CAMSAP2: variants seen among roughly 807,000 people sequenced by gnomAD.
CAMSAP2 encodes the protein calmodulin regulated spectrin associated protein family member 2.
CAMSAP2 carries 26 observed loss-of-function variants against 146.1 expected under a neutral mutation model. The observed-to-expected ratio is 0.18, with a 90% CI of 0.13 to 0.25. The LOEUF is 0.25. Ranked by LOEUF, CAMSAP2 falls within the 10% of genes least tolerant of loss-of-function variation. The pLI is 1.00. For missense variants in CAMSAP2, 1,381 were observed against 1,759.3 expected (o/e 0.78, Z 3.85); for synonymous variants, 499 against 596.6 (o/e 0.84, Z 2.38).
intron 1 of CAMSAP2, among the ~76,000 whole-genome samples, chr1:200,755,242 A>T (rs1384049977): frequency 2.0e-5 from 3 of 152,252 alleles, no homozygotes; most frequent in Non-Finnish European, 4.4e-5. Context: ...TAGCAGACAG[A>T]TAGTAAACAC....
At chr1:200,850,567 CA>C (rs1667593891) in intron 11 of CAMSAP2, among the ~76,000 whole-genome samples, 1 of 152,124 alleles carries the variant, frequency 6.6e-6, no homozygotes, top group Admixed American at 6.6e-5. Context: ...GTAACACTGC[CA>C]TTTTTTTTAA....
intron 1 of CAMSAP2, among the ~76,000 whole-genome samples, chr1:200,746,557 GGGATGA>G (rs957875867): frequency 6.6e-6 from 1 of 152,128 alleles, no homozygotes; most frequent in African/African-American, 2.4e-5. Context: ...GAAGACTTCA[GGGATGA>G]GAGCTATAAG....
At chr1:200,816,617 T>G (rs1666498551) in intron 4 of CAMSAP2, among the ~76,000 whole-genome samples, 1 of 135,658 alleles carries the variant, frequency 7.4e-6, no homozygotes, top group African/African-American at 2.6e-5. Flanking sequence ...TATATATATA[T>G]ATATATATGT....
chr1:200,811,050 A>C (rs1666317502), intron 3 of CAMSAP2, among the ~76,000 whole-genome samples: 1 of 152,132 alleles, frequency 6.6e-6, no homozygotes, highest in Non-Finnish European at 1.5e-5. Flanking sequence ...ACCCATTCCT[A>C]ACCCGAAATT....
chr1:200,860,395 T>C lies in CAMSAP2; in HGVS notation c.*2336T>C, dbSNP rs1667850810. 1 of 152,778 alleles carries C rather than the reference T, an allele frequency of 6.5e-6. No homozygotes were observed. The highest frequency in any genetic ancestry group is 1.5e-5 in the Non-Finnish European group (1 of 68,020). 9.5% of individuals were successfully genotyped at this position (152,778 alleles called of 1,614,324 possible). ...GCCAAACATTTGTCGTGGTTACCAG[T>C]GCAGCCTGTCAAATTCTGCTATTTG... On this transcript the variant is annotated 3_prime_UTR_variant, in exon 17 of 17. Transcript: ENST00000358823.
intron 4 of CAMSAP2, among the ~76,000 whole-genome samples, chr1:200,817,149 T>C (rs186588025): frequency 3.3e-4 from 39 of 117,076 alleles, no homozygotes; most frequent in Admixed American, 2.5e-3. Context: ...TATATACACA[T>C]ACACACATAC....
intron 4 of CAMSAP2, among the ~76,000 whole-genome samples, chr1:200,817,252 GTGTGTGTATATACACACA>G: frequency 1.1e-4 from 1 of 9,278 alleles, no homozygotes; most frequent in Non-Finnish European, 1.8e-4. Context: ...ACACACATAT[GTGTGTGTATATACACACA>G]TATATATATA....
chr1:200,832,693 T>G lies in CAMSAP2; in HGVS notation c.788-13T>G. Reference sequence around the variant, plus strand: ...AATCCAAAGTCACCACCTTGCTCTTTTCTTATTTGAAGATATTTGTTTGAA... The same window carrying G: ...AATCCAAAGTCACCACCTTGCTCTTGTCTTATTTGAAGATATTTGTTTGAA... On this transcript the variant is annotated splice_polypyrimidine_tract_variant and intron_variant, in intron 5 of 16. Transcript: ENST00000358823. The surrounding 1 kb of genome is among the most constrained non-coding windows in gnomAD (Gnocchi z 4.2). 1 of 1,587,138 alleles carries G rather than the reference T, an allele frequency of 6.3e-7. No homozygotes were observed. Among genetic ancestry groups the G allele is most frequent in the Non-Finnish European group, 8.6e-7 (1 of 1,168,648 alleles).
chr1:200,849,302 C>G lies in CAMSAP2; in HGVS notation c.2533C>G (p.Gln845Glu). Residue 845 changes from glutamine to glutamate, a missense_variant, in exon 11 of 17, where the codon CAA (glutamine) becomes GAA (glutamate). Coordinates refer to ENST00000358823, the MANE Select transcript of CAMSAP2 (RefSeq NM_203459.4). This position sits in a 1 kb window ranked among gnomAD's most constrained non-coding sequence, Gnocchi z 6.3. ...TATAAAAGAGAGCATGGAGAATCCT[C>G]AAGCCAAATGGCTAAAGTCTCCAAC... The part of the protein sequence containing the change: ...ADIKESMENP[Q>E]AKWLKSPTTP... The G allele has an allele frequency of 6.2e-7, 1 of 1,614,024 alleles. No homozygotes were observed. The highest frequency in any genetic ancestry group is 8.5e-7 in the Non-Finnish European group (1 of 1,180,028).
rs372954634 is a variant in CAMSAP2 at position 200,853,505 on chromosome 1, C to T, written c.3823+10C>T. ...ATAAAGGGTCCTCCAGGTAACATAG[C>T]TTATTATGAAGAGTCTGTTCATAAA... On this transcript the variant is annotated intron_variant, in intron 13 of 16. Coordinates refer to ENST00000358823, the MANE Select transcript of CAMSAP2 (RefSeq NM_203459.4). This position sits in a 1 kb window ranked among gnomAD's most constrained non-coding sequence, Gnocchi z 5.1. The T allele has an allele frequency of 1.3e-6, 2 of 1,583,836 alleles. No homozygotes were observed. Among genetic ancestry groups the T allele is most frequent in the Non-Finnish European group, 1.7e-6 (2 of 1,154,458 alleles).
intron 1 of CAMSAP2, among the ~76,000 whole-genome samples, chr1:200,749,799 C>A (rs1253937753): frequency 6.6e-6 from 1 of 152,106 alleles, no homozygotes; most frequent in African/African-American, 2.4e-5. Flanking sequence ...ATGCTATATT[C>A]TTTCTCTTTA....
chr1:200,782,232 A>G (rs1368980565), intron 2 of CAMSAP2, among the ~76,000 whole-genome samples: 1 of 152,224 alleles, frequency 6.6e-6, no homozygotes, highest in Non-Finnish European at 1.5e-5. Context: ...ATTATCCCAC[A>G]TTTAACAGAT....
chr1:200,844,740 A>T, intron 7 of CAMSAP2, 42 bp from the exon 8 acceptor site: 2 of 1,173,626 alleles, frequency 1.7e-6, no homozygotes, highest in Non-Finnish European at 2.4e-6. Flanking sequence ...TTTCATAGAA[A>T]TATGCTAATT....
chr1:200,849,488 A>G lies in CAMSAP2; in HGVS notation c.2719A>G (p.Met907Val). 6.2e-7 allele frequency: 1 copy of G among 1,614,208 alleles called. No individual in the cohort carries two copies. The highest frequency in any genetic ancestry group is 1.1e-5 in the South Asian group (1 of 91,078). Residue 907 changes from methionine (M) to valine (V), a missense_variant, in exon 11 of 17, where the codon ATG becomes GTG. By Grantham distance (21) the Met-to-Val change is conservative. This residue lies in a region of CAMSAP2 where 560 missense variants were observed against 715.9 expected (regional missense o/e 0.78). Coordinates refer to ENST00000358823, the MANE Select transcript of CAMSAP2 (RefSeq NM_203459.4). The surrounding 1 kb of genome is among the most constrained non-coding windows in gnomAD (Gnocchi z 6.3). ...GCAACGCTTGTCACTTCAGCAGGAG[A>G]TGTTAATGCAGATGAGAGAGCAACA... ...EMQRLSLQQEMLMQMREQQSW... is the reference protein window; with the variant it reads ...EMQRLSLQQEVLMQMREQQSW...
chr1:200,810,541 A>C (rs1271682272), intron 3 of CAMSAP2, among the ~76,000 whole-genome samples: 1 of 146,606 alleles, frequency 6.8e-6, no homozygotes, highest in Non-Finnish European at 1.5e-5. Context: ...GCGCCACGGC[A>C]CTCCAGCCTG....
rs958679140 is a variant in CAMSAP2, at chr1:200,824,204, G to A, written c.646-7996G>A. Reference sequence around the variant, plus strand: ...CGGGAGTCCCTTCAGACTGACTCCTGTGCTTTTGATATGCCCCCATTCATC... The same window carrying A: ...CGGGAGTCCCTTCAGACTGACTCCTATGCTTTTGATATGCCCCCATTCATC... On this transcript the variant is annotated intron_variant, in intron 4 of 16. Coordinates refer to ENST00000358823, the MANE Select transcript of CAMSAP2 (RefSeq NM_203459.4). Among the ~76,000 whole-genome samples, 21 of 147,278 alleles carry A rather than the reference G, an allele frequency of 1.4e-4. 1 individual carries two copies. Among genetic ancestry groups the A allele is most frequent in the Admixed American group, 5.4e-4 (8 of 14,718 alleles).
intron 3 of CAMSAP2, among the ~76,000 whole-genome samples, chr1:200,814,593 G>A (rs1209458207): frequency 8.3e-6 from 1 of 120,470 alleles, no homozygotes; most frequent in Non-Finnish European, 1.6e-5. Context: ...CTGGGCGACA[G>A]TGTGAGATTG....
chr1:200,833,737 TA>T (rs1392154801), intron 6 of CAMSAP2, among the ~76,000 whole-genome samples: 2 of 152,178 alleles, frequency 1.3e-5, no homozygotes, highest in African/African-American at 4.8e-5. Context: ...ATTAAAAAAT[TA>T]ATTGAAAAGT....
At chr1:200,836,755 TA>T (rs1384565454) in intron 6 of CAMSAP2, among the ~76,000 whole-genome samples, 1 of 152,220 alleles carries the variant, frequency 6.6e-6, no homozygotes, top group Non-Finnish European at 1.5e-5. Context: ...CAACACCTAT[TA>T]TTTTTTGACT....
Sources: allele counts gnomAD v4.1 joint callset (sites outside exome capture counted in the v4.1 genomes callset), GRCh38; gene constraint gnomAD v4.1.1; regional missense constraint gnomAD v4.1.1; non-coding constraint Gnocchi (gnomAD v3.1); transcripts MANE v1.5; gene names NCBI Gene and HGNC (gene_info 2026-07-23, HGNC 2026-07-21).